The following MYO10 variants were observed in gnomAD, a reference collection of about 807,000 sequenced individuals.
The protein encoded by MYO10 is myosin X, also known as unconventional myosin-X.
MYO10 carries 133 observed loss-of-function variants against 257.3 expected under a neutral mutation model. The ratio of observed to expected loss-of-function variants is 0.52; its 90% CI spans 0.45 to 0.60. The LOEUF is 0.60. MYO10 is among the 20% of genes least tolerant of loss of function. The pLI is 0.00. For synonymous variants in MYO10, 1,104 were observed against 1,028.6 expected (o/e 1.07, Z -1.40); for missense variants, 2,399 against 2,635.7 (o/e 0.91, Z 1.97).
In MYO10 at chr5:16,923,488, T is replaced by C. The variant is rs570138510; in HGVS notation, c.21+12300A>G. Reference sequence around the variant, plus strand: ...ATTTTTAGTAGAGATGGGGTTTCACTGTGTTAGCCAGGATGGTCTCGATCT... The same window carrying C: ...ATTTTTAGTAGAGATGGGGTTTCACCGTGTTAGCCAGGATGGTCTCGATCT... On this transcript the variant is annotated intron_variant, in intron 1 of 40. Coordinates refer to ENST00000513610, the MANE Select transcript of MYO10 (RefSeq NM_012334.3). 5.3e-5 allele frequency among the ~76,000 whole-genome samples: 8 copies of C among 151,766 alleles called. No individual in the cohort carries two copies. The South Asian group carries it at 1.0e-3, about 20-fold the overall frequency.
At chr5:16,781,877 G>A (rs768791602) in intron 5 of MYO10, 48 bp from the exon 6 acceptor site, 2 of 1,597,494 alleles carry the variant, frequency 1.3e-6, no homozygotes, top group East Asian at 2.2e-5. Flanking sequence ...GGGTGGGTCT[G>A]AAGACAGCAA....
At position 16,673,669 on chromosome 5, in the gene MYO10, T is replaced by TGCCTC. The variant is rs747299587; in HGVS notation, c.5172+8_5172+12dup. The TGCCTC allele has an allele frequency of 6.2e-7, 1 of 1,610,634 alleles. No homozygotes were observed. The highest frequency in any genetic ancestry group is 2.2e-5 in the East Asian group (1 of 44,822). On this transcript the variant is annotated intron_variant, in intron 36 of 40. Coordinates refer to ENST00000513610, the MANE Select transcript of MYO10 (RefSeq NM_012334.3). ...GGCATCTAACAGAACAAGCAGCAGC[T>TGCCTC]GCCTCTCCTCACCTCCCCAGCGGTG...
At chr5:16,920,373 A>G (rs1280021087) in intron 1 of MYO10, among the ~76,000 whole-genome samples, 1 of 152,268 alleles carries the variant, frequency 6.6e-6, no homozygotes, top group Non-Finnish European at 1.5e-5. Flanking sequence ...GTGTACCAAC[A>G]TGGATGGGCG....
intron 2 of MYO10, among the ~76,000 whole-genome samples, chr5:16,818,381 CGTGTGTGT>C (rs66684462): frequency 0.035 from 4,679 of 133,978 alleles, 277 homozygotes; most frequent in African/African-American, 0.12. Flanking sequence ...TGTGTGTGTG[CGTGTGTGT>C]GTGTGTGTGT....
intron 2 of MYO10, among the ~76,000 whole-genome samples, chr5:16,872,341 C>G (rs1287102598): frequency 6.6e-6 from 1 of 152,122 alleles, no homozygotes; most frequent in Non-Finnish European, 1.5e-5. Flanking sequence ...TTAAAGTAAT[C>G]AAAGTCATAG....
In MYO10 at chr5:16,666,454, T is replaced by C. The variant is rs1281222952; in HGVS notation, c.*238A>G. The stretch of plus-strand genomic sequence containing the variant: ...CTCCCCTCCTTTTTTAAGGCATGTG[T>C]CCTCTAAGAGTAGTAAAGCTTTGGA... On this transcript the variant is annotated 3_prime_UTR_variant, in exon 41 of 41. Transcript: ENST00000513610. 2.3e-6 allele frequency: 1 copy of C among 432,376 alleles called. No individual in the cohort carries two copies. Among genetic ancestry groups the C allele is most frequent in the African/African-American group, 2.0e-5 (1 of 49,116 alleles). The allele number at this position is 432,376 out of a possible 1,614,324, so 26.8% of individuals were successfully genotyped here. A position where few individuals can be genotyped will look rare whatever the true frequency, so the allele number is the denominator to read the frequency against.
In MYO10 at chr5:16,665,719, ATCTTTT is replaced by A. The variant is rs1736135064; in HGVS notation, c.*967_*972del. 1 of 152,490 alleles carries A rather than the reference ATCTTTT, an allele frequency of 6.6e-6. No individual in the cohort carries two copies. The allele number at this position is 152,490 out of a possible 1,614,324, so 9.4% of individuals were successfully genotyped here. ...AAGTAACACTTTGTTTTTAACTTAAATCTTTTAGACATGAAAGACTCCAAAATGACT... is the reference window on the plus strand; with the variant it reads ...AAGTAACACTTTGTTTTTAACTTAAAAGACATGAAAGACTCCAAAATGACT... On this transcript the variant is annotated 3_prime_UTR_variant, in exon 41 of 41. Transcript: ENST00000513610.
intron 1 of MYO10, among the ~76,000 whole-genome samples, chr5:16,901,607 A>G (rs894855683): frequency 3.3e-5 from 5 of 152,166 alleles, no homozygotes; most frequent in African/African-American, 1.2e-4. Flanking sequence ...CCTTTTACAG[A>G]TTCTACAGTT....
At chr5:16,853,376 A>AG (rs1298262330) in intron 2 of MYO10, among the ~76,000 whole-genome samples, 10 of 151,858 alleles carry the variant, frequency 6.6e-5, no homozygotes, top group Non-Finnish European at 7.4e-5. Flanking sequence ...TCCGTCTCAA[A>AG]AAAAAAAAAA....
At chr5:16,890,973 GAAGTT>G (rs1197035210) in intron 1 of MYO10, among the ~76,000 whole-genome samples, 1 of 149,696 alleles carries the variant, frequency 6.7e-6, no homozygotes, top group East Asian at 2.0e-4. Flanking sequence ...TTTATATGAA[GAAGTT>G]AAATCCATAG....
intron 3 of MYO10, chr5:16,814,576 C>T (rs1162935362): frequency 6.6e-6 from 1 of 152,084 alleles, no homozygotes; most frequent in Non-Finnish European, 1.5e-5. Context: ...ACAGGCATTG[C>T]TCCGAGCCAG....
At chr5:16,934,645 A>C (rs1746383976) in intron 1 of MYO10, among the ~76,000 whole-genome samples, 1 of 152,228 alleles carries the variant, frequency 6.6e-6, no homozygotes, top group Non-Finnish European at 1.5e-5. Context: ...TTCCTTCCAC[A>C]ATGAATGTGG....
rs769793916 is a variant in MYO10, at chr5:16,670,652, AGAG to A, written c.5754_5756del (p.Ser1919del). 1 of 1,614,020 alleles carries A rather than the reference AGAG, an allele frequency of 6.2e-7. No individual in the cohort carries two copies. The highest frequency in any genetic ancestry group is 1.7e-5 in the Admixed American group (1 of 60,018). On this transcript the variant is annotated inframe_deletion, in exon 39 of 41. Transcript: ENST00000513610. ...ACTTGTCAATGATACTGGCTCGAGC[AGAG>A]GAGACTTCTTCCTTAATCCACATGT... is the stretch of plus-strand genomic sequence containing the variant.
At chr5:16,786,852 A>G (rs1741595372) in intron 4 of MYO10, among the ~76,000 whole-genome samples, 1 of 141,402 alleles carries the variant, frequency 7.1e-6, no homozygotes, top group African/African-American at 2.6e-5. Context: ...GTGGGTGTAG[A>G]ACTCTGTCAT....
At chr5:16,856,899 A>T (rs1238513687) in intron 2 of MYO10, among the ~76,000 whole-genome samples, 1 of 152,250 alleles carries the variant, frequency 6.6e-6, no homozygotes, top group African/African-American at 2.4e-5. Flanking sequence ...ATAAAAGACC[A>T]TATTAGAAAT....
intron 19 of MYO10, among the ~76,000 whole-genome samples, chr5:16,730,969 G>A (rs1290801719): frequency 6.6e-6 from 1 of 152,090 alleles, no homozygotes; most frequent in Non-Finnish European, 1.5e-5. Flanking sequence ...GGGAAGGTAT[G>A]GGGGGAGTTG....
At chr5:16,792,889 CA>C (rs1158077058) in intron 4 of MYO10, among the ~76,000 whole-genome samples, 2 of 152,202 alleles carry the variant, frequency 1.3e-5, no homozygotes, top group East Asian at 3.9e-4. Flanking sequence ...CATCACCCGC[CA>C]AATCCAAACC....
chr5:16,693,404 C>T (rs928877194), intron 27 of MYO10, among the ~76,000 whole-genome samples: 2 of 152,204 alleles, frequency 1.3e-5, no homozygotes, highest in Non-Finnish European at 1.5e-5. Context: ...AGCGCACTCC[C>T]GCACCTCATG....
intron 32 of MYO10, 77 bp from the exon 33 acceptor site, chr5:16,680,181 GACC>G: frequency 6.6e-7 from 1 of 1,503,852 alleles, no homozygotes; most frequent in Non-Finnish European, 9.0e-7. Context: ...TGTCCTCTCT[GACC>G]TCAGTCCCTT....
Sources: allele counts gnomAD v4.1 joint callset (sites outside exome capture counted in the v4.1 genomes callset), GRCh38; gene constraint gnomAD v4.1.1; transcripts MANE v1.5; gene names NCBI Gene and HGNC (gene_info 2026-07-23, HGNC 2026-07-21).